Variants in CDK13 observed in about 807,000 individuals in gnomAD.
The protein encoded by CDK13 is cyclin dependent kinase 13.
CDK13 carries 40 observed loss-of-function variants against 137.6 expected under a neutral mutation model. That is an observed-to-expected ratio of 0.29 (90% CI 0.23 to 0.38). The LOEUF (loss-of-function observed/expected upper bound fraction) is 0.38. CDK13 is among the 10% of genes least tolerant of loss of function. The probability of loss-of-function intolerance (pLI) is 1.00; values close to 1 mark genes in which losing one functional copy is unlikely to be tolerated. For missense variants in CDK13, 1,704 were observed against 1,951.8 expected, an observed-to-expected ratio of 0.87 and a Z score of 2.39; for synonymous variants, 869 against 760.1, an observed-to-expected ratio of 1.14 and a Z score of -2.36.
intron 5 of CDK13, among the ~76,000 whole-genome samples, chr7:40,037,712 C>G (rs1330687962): frequency 6.6e-6 from 1 of 152,134 alleles, no homozygotes; most frequent in Non-Finnish European, 1.5e-5. Context: ...CATCTTTGAC[C>G]TTATCTTTCT....
intron 7 of CDK13, among the ~76,000 whole-genome samples, chr7:40,057,146 T>A (rs1786037549): frequency 4.6e-5 from 7 of 152,080 alleles, no homozygotes. Context: ...TCCCAGCTAC[T>A]TGGGAGGCTG....
rs1183040112 is a variant in CDK13 at position 39,950,849 on chromosome 7, G to A, written c.208G>A (p.Ala70Thr). ...GGCTGCTCCCGGCACGGCCGCCGCC[G>A]CAGCCGCCGCCGCCGCGGCCTCCTC... ...FLAAPGTAAA[A>T]AAAAAASSSC... Residue 70 changes from alanine (A) to threonine (T), a missense_variant, in exon 1 of 14, where the codon GCA becomes ACA. By Grantham distance (58) the Ala-to-Thr change is moderately conservative. Transcript: ENST00000181839. 2.9e-6 allele frequency: 4 copies of A among 1,373,450 alleles called. No homozygotes were observed. The highest frequency in any genetic ancestry group is 3.7e-6 in the Non-Finnish European group (4 of 1,074,348). The allele number at this position is 1,373,450 out of a possible 1,614,324, so 85.1% of individuals were successfully genotyped here.
At chr7:40,052,240 G>T (rs942323822) in intron 7 of CDK13, among the ~76,000 whole-genome samples, 2 of 150,868 alleles carry the variant, frequency 1.3e-5, no homozygotes, top group Admixed American at 1.3e-4. Flanking sequence ...GCACTGGTGT[G>T]ATCTCGGCTC....
chr7:39,992,106 CACACACACACACAA>C (rs1784469956), intron 2 of CDK13, among the ~76,000 whole-genome samples: 5 of 103,888 alleles, frequency 4.8e-5, no homozygotes, highest in Non-Finnish European at 8.1e-5. Flanking sequence ...CACACACACG[CACACACACACACAA>C]GCACACACGC....
intron 1 of CDK13, among the ~76,000 whole-genome samples, chr7:39,982,086 A>AC (rs546847148): frequency 1.5e-3 from 221 of 149,876 alleles, no homozygotes; most frequent in African/African-American, 5.4e-3. Context: ...ACATATGTAT[A>AC]CATGTGCCAT....
At chr7:39,952,103 A>G (rs892619984) in intron 1 of CDK13, 18 of 382,020 alleles carry the variant, frequency 4.7e-5, no homozygotes, top group African/African-American at 1.9e-4. Context: ...CTAAGGAAGA[A>G]TTAAAAGTTT....
At chr7:39,951,976 C>T (rs1787236188) in intron 1 of CDK13, 124 bp downstream of exon 1, 4 of 1,056,442 alleles carry the variant, frequency 3.8e-6, no homozygotes, top group Non-Finnish European at 1.2e-6. Flanking sequence ...GACAACACCG[C>T]CTGAGCCTCC....
chr7:40,004,429 G>A (rs1408841076), intron 5 of CDK13, among the ~76,000 whole-genome samples: 1 of 152,204 alleles, frequency 6.6e-6, no homozygotes, highest in African/African-American at 2.4e-5. Flanking sequence ...GAAGTTACAT[G>A]TAGGTACCTA....
chr7:39,959,841 GT>G (rs34837261), intron 1 of CDK13, among the ~76,000 whole-genome samples: 107,079 of 123,936 alleles, frequency 0.86, 45,978 homozygotes, highest in South Asian at 0.93. Flanking sequence ...CTACTAACTT[GT>G]TTTTTTTTTT....
At chr7:40,024,570 T>C (rs967948819) in intron 5 of CDK13, among the ~76,000 whole-genome samples, 3 of 151,664 alleles carry the variant, frequency 2.0e-5, no homozygotes, top group Admixed American at 2.0e-4. Flanking sequence ...TCTCTCTCTC[T>C]GGCTGTTGCT....
chr7:39,951,744 C>G lies in CDK13; in HGVS notation c.1103C>G (p.Pro368Arg), dbSNP rs775425746. Residue 368 changes from proline to arginine, a missense_variant, in exon 1 of 14, where the codon CCC (proline) becomes CGC (arginine). Pro to Arg is a moderately radical substitution (Grantham distance 103). Around this residue, in one of 5 missense-constraint regions of CDK13, gnomAD observed 1,051 missense variants for 931.0 expected, o/e 1.13. Transcript: ENST00000181839. ...AGCCCCTACAGTCGCCGCCGCTCCC[C>G]CAGCTACAGCCGCCACAGCTCCTAC... ...SPSPYSRRRS[P>R]SYSRHSSYER... 1.3e-6 allele frequency: 2 copies of G among 1,494,396 alleles called. No individual in the cohort carries two copies. The highest frequency in any genetic ancestry group is 8.8e-7 in the Non-Finnish European group (1 of 1,133,560). The allele number at this position is 1,494,396 out of a possible 1,614,324, so 92.6% of individuals were successfully genotyped here. A position where few individuals can be genotyped will look rare whatever the true frequency, so the allele number is the denominator to read the frequency against.
chr7:39,965,725 C>T (rs1303631277), intron 1 of CDK13, among the ~76,000 whole-genome samples: 1 of 152,146 alleles, frequency 6.6e-6, no homozygotes, highest in Non-Finnish European at 1.5e-5. Context: ...ATGGTCTTTA[C>T]AATTTGGTAT....
At chr7:40,018,698 C>T (rs1222186787) in intron 5 of CDK13, among the ~76,000 whole-genome samples, 1 of 152,076 alleles carries the variant, frequency 6.6e-6, no homozygotes, top group African/African-American at 2.4e-5. Flanking sequence ...TAAGTGGGAG[C>T]TAAGCTGTGG....
At chr7:40,064,835 A>G (rs1257727389) in intron 9 of CDK13, among the ~76,000 whole-genome samples, 1 of 140,240 alleles carries the variant, frequency 7.1e-6, no homozygotes, top group Non-Finnish European at 1.5e-5. Flanking sequence ...TTTGTTGCCT[A>G]GGCTGGAGTG....
intron 7 of CDK13, chr7:40,061,283 T>C (rs528353404): frequency 6.6e-6 from 1 of 152,358 alleles, no homozygotes; most frequent in African/African-American, 2.4e-5. Context: ...AATATTCATC[T>C]TATTCTGTCC....
rs1482019654 is a variant in CDK13, at chr7:39,976,382, ATAGTGTGG to A, written c.1212-11213_1212-11206del. ...ACAGAAACAAATGGAGGAGAAAGAG[ATAGTGTGG>A]TAGCAATAAATAGTGCTTGGCTTTG... On this transcript the variant is annotated intron_variant, in intron 1 of 13. Coordinates refer to ENST00000181839, the MANE Select transcript of CDK13 (RefSeq NM_003718.5). Among the ~76,000 whole-genome samples the A allele has an allele frequency of 4.7e-5, 7 of 150,296 alleles. No homozygotes were observed. The Admixed American group carries it at 4.7e-4, about 10-fold the overall frequency.
At chr7:40,005,290 AT>A (rs34406657) in intron 5 of CDK13, among the ~76,000 whole-genome samples, 94,517 of 138,962 alleles carry the variant, frequency 0.68, 32,544 homozygotes, top group East Asian at 0.97. Flanking sequence ...TTTAAAGTGA[AT>A]TTTTTTTTTT....
At chr7:40,082,904 C>T (rs987077223) in intron 11 of CDK13, among the ~76,000 whole-genome samples, 6 of 150,682 alleles carry the variant, frequency 4.0e-5, no homozygotes, top group Admixed American at 2.0e-4. Context: ...AGTTTGAGAC[C>T]AATCTGGGCA....
chr7:39,990,740 A>G (rs558812120), intron 2 of CDK13, among the ~76,000 whole-genome samples: 8 of 152,328 alleles, frequency 5.3e-5, no homozygotes, highest in African/African-American at 1.2e-4. Flanking sequence ...CCATAGTTCT[A>G]TTCATGGGTG....
Sources: gnomAD v4.1 joint callset for allele counts (sites outside exome capture counted in the v4.1 genomes callset) on GRCh38, gnomAD v4.1.1 for gene constraint, gnomAD v4.1.1 regional missense constraint, MANE v1.5 for transcripts, NCBI Gene and HGNC (gene_info 2026-07-23, HGNC 2026-07-21) for gene names.